Variants in FANCL observed in about 807,000 individuals in gnomAD.
FANCL encodes FA complementation group L.
Under a neutral mutation model 59.4 loss-of-function variants are expected in FANCL, and 69 were observed. The ratio of observed to expected loss-of-function variants is 1.16; its 90% CI spans 0.96 to 1.42. The LOEUF is 1.42. Among genes scored for constraint, FANCL ranks in the 40% most tolerant of loss-of-function variants. The pLI is 0.00. For synonymous variants in FANCL, 180 were observed against 147.1 expected, an observed-to-expected ratio of 1.22 and a Z score of -1.62; for missense variants, 519 against 447.2, an observed-to-expected ratio of 1.16 and a Z score of -1.45.
At chr2:58,160,081 A>G (rs1684885692) in intron 13 of FANCL, 27 bp downstream of exon 13, 1 of 1,610,256 alleles carries the variant, frequency 6.2e-7, no homozygotes. Context: ...GGCACATTTT[A>G]TGAGATGTGA....
rs531997395 is a variant in FANCL, at chr2:58,171,340, G to C, written c.541-5466C>G. Among the ~76,000 whole-genome samples, 5 of 152,252 alleles carry C rather than the reference G, an allele frequency of 3.3e-5. No homozygotes were observed. The East Asian group carries it at 9.7e-4, about 29-fold the overall frequency. On this transcript the variant is annotated intron_variant, in intron 7 of 13. Coordinates refer to ENST00000233741, the MANE Select transcript of FANCL (RefSeq NM_018062.4). ...TGAAACTTAAGTTATTGAGAACAAA[G>C]ACACAATGTACCAGAATCTCTGGGA...
chr2:58,209,076 C>T (rs1484394257), intron 5 of FANCL, among the ~76,000 whole-genome samples: 1 of 152,174 alleles, frequency 6.6e-6, no homozygotes, highest in Non-Finnish European at 1.5e-5. Flanking sequence ...CATTCATCTC[C>T]TCTAAGAACT....
chr2:58,163,525 G>A lies in FANCL; in HGVS notation c.692-8C>T. The stretch of plus-strand genomic sequence containing the variant: ...TTATGGAAACATTATTACCTAGAAT[G>A]AAACAAGATTAAATCTTTTAGAAGT... On this transcript the variant is annotated splice_region_variant and splice_polypyrimidine_tract_variant and intron_variant, in intron 8 of 13. Coordinates refer to ENST00000233741, the MANE Select transcript of FANCL (RefSeq NM_018062.4). 6.5e-7 allele frequency: 1 copy of A among 1,535,622 alleles called. No homozygotes were observed. The highest frequency in any genetic ancestry group is 9.0e-7 in the Non-Finnish European group (1 of 1,109,452).
At chr2:58,241,087 G>A (rs534634111) in intron 1 of FANCL, 131 bp downstream of exon 1, 10 of 915,372 alleles carry the variant, frequency 1.1e-5, no homozygotes, top group African/African-American at 3.3e-5. Context: ...AGTCTCCCAA[G>A]AGCCGTTACG....
intron 7 of FANCL, among the ~76,000 whole-genome samples, chr2:58,173,081 T>G (rs557227958): frequency 1.3e-4 from 19 of 151,992 alleles, no homozygotes; most frequent in Middle Eastern, 6.8e-3. Context: ...AAGGGAAGCT[T>G]AGAGAAAAAA....
intron 5 of FANCL, among the ~76,000 whole-genome samples, chr2:58,217,788 G>A (rs552442634): frequency 9.6e-4 from 144 of 149,832 alleles, no homozygotes; most frequent in Middle Eastern, 3.4e-3. Context: ...CAGGACAAGC[G>A]GACAAAAAAA....
At chr2:58,231,690 T>C (rs1229640225) in intron 2 of FANCL, among the ~76,000 whole-genome samples, 3 of 152,186 alleles carry the variant, frequency 2.0e-5, no homozygotes, top group Non-Finnish European at 4.4e-5. Flanking sequence ...GATGTGACTC[T>C]TCTCATATAA....
chr2:58,222,988 ATTTT>A (rs1265177948), intron 4 of FANCL, among the ~76,000 whole-genome samples: 1 of 148,856 alleles, frequency 6.7e-6, no homozygotes, highest in Admixed American at 6.6e-5. Flanking sequence ...GTTTAATCTT[ATTTT>A]TTAAGTATAT....
chr2:58,185,369 G>T (rs907125086), intron 7 of FANCL, among the ~76,000 whole-genome samples: 1 of 152,072 alleles, frequency 6.6e-6, no homozygotes, highest in African/African-American at 2.4e-5. Context: ...TGGGATCTCT[G>T]TGTTAATGCA....
chr2:58,186,845 C>A (rs563830352), intron 7 of FANCL, among the ~76,000 whole-genome samples: 2 of 152,106 alleles, frequency 1.3e-5, no homozygotes, highest in South Asian at 4.1e-4. Context: ...AAAAGTGCTG[C>A]AAAAATCAAA....
chr2:58,173,219 T>C (rs970635476), intron 7 of FANCL, among the ~76,000 whole-genome samples: 6 of 152,214 alleles, frequency 3.9e-5, no homozygotes, highest in Admixed American at 3.9e-4. Flanking sequence ...CTCTGCAGGA[T>C]ATTATCCAGG....
At chr2:58,211,006 C>T (rs1236540913) in intron 5 of FANCL, among the ~76,000 whole-genome samples, 1 of 152,122 alleles carries the variant, frequency 6.6e-6, no homozygotes, top group Admixed American at 6.6e-5. Flanking sequence ...AGTGGATCTA[C>T]CATTCTGGGG....
intron 7 of FANCL, among the ~76,000 whole-genome samples, chr2:58,182,853 G>T (rs1325680100): frequency 6.6e-6 from 1 of 151,576 alleles, no homozygotes; most frequent in East Asian, 1.9e-4. Context: ...AGAGTATGCT[G>T]ATTAAGATCA....
At chr2:58,218,962 TAAG>T (rs1261170455) in intron 5 of FANCL, among the ~76,000 whole-genome samples, 2 of 150,304 alleles carry the variant, frequency 1.3e-5, no homozygotes, top group Non-Finnish European at 3.0e-5. Flanking sequence ...ATTTTTCAGC[TAAG>T]AAGGCCTAGA....
At chr2:58,190,146 T>C (rs1688784575) in intron 7 of FANCL, among the ~76,000 whole-genome samples, 1 of 152,064 alleles carries the variant, frequency 6.6e-6, no homozygotes, top group Admixed American at 6.6e-5. Context: ...TGTAACTGAA[T>C]TTGTCTGGTC....
chr2:58,220,097 T>C (rs1213521973), intron 5 of FANCL, among the ~76,000 whole-genome samples: 1 of 152,226 alleles, frequency 6.6e-6, no homozygotes, highest in African/African-American at 2.4e-5. Flanking sequence ...GCAGTCCATC[T>C]GCAGTGAAAC....
rs959819833 is a variant in FANCL, at chr2:58,198,448, G to T, written c.540+146C>A. 39 of 649,756 alleles carry T rather than the reference G, an allele frequency of 6.0e-5. 1 individual carries two copies. The South Asian group carries it at 7.4e-4, about 12-fold the overall frequency. The allele number at this position is 649,756 out of a possible 1,614,324, so 40.2% of individuals were successfully genotyped here. On this transcript the variant is annotated intron_variant, in intron 7 of 13. Transcript: ENST00000233741. ...AGAGTGTGCACAGGCTATAAACAAA[G>T]TCCCATTTATATAAGAGATTTGGGT...
At chr2:58,170,945 C>A (rs1225417249) in intron 7 of FANCL, among the ~76,000 whole-genome samples, 3 of 152,172 alleles carry the variant, frequency 2.0e-5, no homozygotes, top group Non-Finnish European at 4.4e-5. Flanking sequence ...AACACCCCCA[C>A]TGTCAATATT....
At chr2:58,212,381 T>C (rs943238342) in intron 5 of FANCL, among the ~76,000 whole-genome samples, 3 of 152,156 alleles carry the variant, frequency 2.0e-5, no homozygotes, top group South Asian at 4.1e-4. Flanking sequence ...CACATGGGAA[T>C]TGTGGGAGTA....
Sources: allele counts gnomAD v4.1 joint callset (sites outside exome capture counted in the v4.1 genomes callset), GRCh38; gene constraint gnomAD v4.1.1; transcripts MANE v1.5; gene names NCBI Gene and HGNC (gene_info 2026-07-23, HGNC 2026-07-21).